The following DNAH5 variants were observed in gnomAD, a reference collection of about 807,000 sequenced individuals.
DNAH5 encodes dynein axonemal heavy chain 5, also known as axonemal beta dynein heavy chain 5.
DNAH5 carries 372 observed loss-of-function variants against 518.2 expected under a neutral mutation model. The observed-to-expected ratio is 0.72, with a 90% CI of 0.66 to 0.78. The LOEUF (loss-of-function observed/expected upper bound fraction) is 0.78. Ranked by LOEUF, DNAH5 falls within the 30% of genes least tolerant of loss-of-function variation. The pLI is 0.00. For synonymous variants in DNAH5, 2,039 were observed against 2,025.9 expected, an observed-to-expected ratio of 1.01 and a Z score of -0.17; for missense variants, 5,523 against 5,687.0, an observed-to-expected ratio of 0.97 and a Z score of 0.93.
At chr5:13,967,631 T>G (rs1369411520) in intron 1 of DNAH5, among the ~76,000 whole-genome samples, 1 of 151,876 alleles carries the variant, frequency 6.6e-6, no homozygotes, top group Non-Finnish European at 1.5e-5. Flanking sequence ...ATTTGTTTTT[T>G]TGTTTGTTTG....
chr5:13,747,214 G>C (rs1017996789), intron 65 of DNAH5, among the ~76,000 whole-genome samples: 2 of 152,144 alleles, frequency 1.3e-5, no homozygotes, highest in Admixed American at 6.5e-5. Flanking sequence ...CAAAGGACAT[G>C]AACTCATCCT....
At chr5:13,974,908 A>G (rs1332094379) in intron 1 of DNAH5, among the ~76,000 whole-genome samples, 1 of 152,152 alleles carries the variant, frequency 6.6e-6, no homozygotes, top group Non-Finnish European at 1.5e-5. Flanking sequence ...GGAGGCTGGT[A>G]AGGCCAGGGC....
chr5:13,864,350 A>G (rs532939015), intron 28 of DNAH5, 47 bp downstream of exon 28: 1 of 1,610,368 alleles, frequency 6.2e-7, no homozygotes, highest in Non-Finnish European at 8.5e-7. Context: ...AATGTTATCA[A>G]ATAAATCCCA....
At chr5:13,765,084 A>G (rs1447640260) in intron 59 of DNAH5, among the ~76,000 whole-genome samples, 1 of 152,228 alleles carries the variant, frequency 6.6e-6, no homozygotes, top group Non-Finnish European at 1.5e-5. Flanking sequence ...TGGAAACACT[A>G]CACAGTGGCT....
At chr5:13,959,766 G>A (rs758757879) in intron 1 of DNAH5, among the ~76,000 whole-genome samples, 1 of 152,188 alleles carries the variant, frequency 6.6e-6, no homozygotes, top group Non-Finnish European at 1.5e-5. Flanking sequence ...TCAGGAATTT[G>A]AGACCAGCCT....
At position 13,975,738 on chromosome 5, in the gene DNAH5, G is replaced by A. The variant is rs189240956; in HGVS notation, c.12+35910C>T. 2.9e-3 allele frequency among the ~76,000 whole-genome samples: 447 copies of A among 152,234 alleles called. 3 individuals are homozygous for A. The highest frequency in any genetic ancestry group is 0.01 in the African/African-American group (423 of 41,532). ...CAACATCCATTCTAATACATTTCTAGTATTTGTGCTCTTTTGTATCATAAT... is the reference window on the plus strand; with the variant it reads ...CAACATCCATTCTAATACATTTCTAATATTTGTGCTCTTTTGTATCATAAT... On this transcript the variant is annotated intron_variant, in intron 1 of 78. Transcript: ENST00000681290.
At chr5:13,787,750 T>C (rs1315978264) in intron 51 of DNAH5, among the ~76,000 whole-genome samples, 1 of 152,196 alleles carries the variant, frequency 6.6e-6, no homozygotes, top group Admixed American at 6.5e-5. Flanking sequence ...TTTGACCTGA[T>C]TAAAATAAAA....
intron 12 of DNAH5, among the ~76,000 whole-genome samples, chr5:13,907,394 G>T (rs1775443357): frequency 6.6e-6 from 1 of 152,158 alleles, no homozygotes; most frequent in Admixed American, 6.5e-5. Context: ...TCGTGCCACT[G>T]CACTCCAGCC....
chr5:13,727,646 T>C lies in DNAH5; in HGVS notation c.11894A>G (p.Asn3965Ser). Reference sequence around the variant, plus strand: ...AAACCAAATTTTCCACATTTTCTCATTTCTCGATATCTGAAAATACCATGG... The same window carrying C: ...AAACCAAATTTTCCACATTTTCTCACTTCTCGATATCTGAAAATACCATGG... ...FSDVLDQISR[N>S]EKMWKIWFDK... The change falls in exon 70 of 79, where the codon AAT becomes AGT. Residue 3965 changes from asparagine to serine, a missense_variant. By Grantham distance (46) the Asn-to-Ser change is conservative. Transcript: ENST00000265104. 6.2e-7 allele frequency: 1 copy of C among 1,613,806 alleles called. No individual in the cohort carries two copies. The highest frequency in any genetic ancestry group is 8.5e-7 in the Non-Finnish European group (1 of 1,179,748).
chr5:13,788,690 T>C, intron 51 of DNAH5, 26 bp downstream of exon 51: 1 of 1,601,484 alleles, frequency 6.2e-7, no homozygotes, highest in Non-Finnish European at 8.6e-7. Context: ...TTTTGGGGAA[T>C]TCCAAATTCC....
intron 1 of DNAH5, among the ~76,000 whole-genome samples, chr5:13,986,149 G>A (rs1043997818): frequency 4.6e-5 from 7 of 152,204 alleles, no homozygotes; most frequent in Admixed American, 3.9e-4. Flanking sequence ...GTCTCCTGCC[G>A]GAGGCGGAGG....
rs1487963448 is a variant in DNAH5, at chr5:13,933,089, C to T, written c.58-1845G>A. Among the ~76,000 whole-genome samples the T allele has an allele frequency of 4.6e-5, 7 of 152,348 alleles. No homozygotes were observed. In the South Asian group the frequency reaches 1.2e-3, roughly 27 times the overall value. On this transcript the variant is annotated intron_variant, in intron 1 of 78. Transcript: ENST00000265104. ...CCTGAGAATAAAAAACGTCTCCAGA[C>T]ATTGCCAAATGGCCCCTGTGGGACA...
At chr5:13,755,269 A>G (rs4549527) in intron 61 of DNAH5, among the ~76,000 whole-genome samples, 11,445 of 152,246 alleles carry the variant, frequency 0.075, 578 homozygotes, top group Middle Eastern at 0.12. Flanking sequence ...TCAAATATAT[A>G]TACACATGCT....
At chr5:13,817,484 T>A in intron 42 of DNAH5, 64 bp downstream of exon 42, 1 of 1,517,020 alleles carries the variant, frequency 6.6e-7, no homozygotes, top group Non-Finnish European at 9.1e-7. Flanking sequence ...ACTAATTCTG[T>A]ATAGCCTCCA....
chr5:13,948,180 A>G (rs1780081399), upstream of DNAH5, among the ~76,000 whole-genome samples: 1 of 152,226 alleles, frequency 6.6e-6, no homozygotes, highest in African/African-American at 2.4e-5. Context: ...AAACACCAGC[A>G]CTGCAACTTG....
chr5:13,914,065 C>G (rs886562855), intron 10 of DNAH5, 107 bp from the exon 11 acceptor site: 2 of 1,363,004 alleles, frequency 1.5e-6, no homozygotes, highest in African/African-American at 1.5e-5. Flanking sequence ...TAAGCCTTTT[C>G]ATAGTTTCAT....
intron 51 of DNAH5, among the ~76,000 whole-genome samples, chr5:13,787,409 C>T (rs1211987176): frequency 6.6e-6 from 1 of 152,110 alleles, no homozygotes; most frequent in South Asian, 2.1e-4. Context: ...TGTGTCCTAA[C>T]ATAATAGTAT....
rs1447859148 is a variant in DNAH5, at chr5:13,804,347, T to TA, written c.7887+3243dup. Among the ~76,000 whole-genome samples, 6 of 152,242 alleles carry TA rather than the reference T, an allele frequency of 3.9e-5. No homozygotes were observed. The East Asian group carries it at 1.2e-3, about 29-fold the overall frequency. On this transcript the variant is annotated intron_variant, in intron 47 of 78. Transcript: ENST00000265104. ...TGAAAACAACCTGTGAAGTAACAGA[T>TA]ACGCGCCCTTCGTTGGACAGTGTGC...
intron 45 of DNAH5, 146 bp downstream of exon 45, chr5:13,809,913 T>C: frequency 1.2e-6 from 1 of 833,846 alleles, no homozygotes; most frequent in South Asian, 1.6e-5. Flanking sequence ...GAAACCACTG[T>C]TCACTTTCTT....
Sources: allele counts gnomAD v4.1 joint callset (sites outside exome capture counted in the v4.1 genomes callset), GRCh38; gene constraint gnomAD v4.1.1; transcripts MANE v1.5; gene names NCBI Gene and HGNC (gene_info 2026-07-23, HGNC 2026-07-21).